Variants in SUGCT observed in about 807,000 individuals in gnomAD.
SUGCT encodes the protein succinyl-CoA:glutarate-CoA transferase.
SUGCT carries 41 observed loss-of-function variants against 55.0 expected under a neutral mutation model. The observed-to-expected ratio is 0.74, with a 90% confidence interval of 0.58 to 0.97. The LOEUF is 0.97. SUGCT is among the 50% of genes least tolerant of loss of function. SUGCT has a pLI of 0.00. For synonymous variants in SUGCT, 187 were observed against 200.4 expected (o/e 0.93, Z 0.56); for missense variants, 568 against 547.8 (o/e 1.04, Z -0.37).
intron 9 of SUGCT, among the ~76,000 whole-genome samples, chr7:40,336,231 A>G (rs1478478898): frequency 6.6e-6 from 1 of 152,148 alleles, no homozygotes; most frequent in Non-Finnish European, 1.5e-5. Context: ...TATCTCTGCC[A>G]GGCTTTGATA....
At chr7:40,924,265 C>CGTGTGTGTGTGTGTGTGTGTGT in the SUGCT span, among the ~76,000 whole-genome samples, 692 of 136,102 alleles carry the variant, frequency 5.1e-3, 5 homozygotes, top group Non-Finnish European at 8.6e-3. Flanking sequence ...CTTTCAATTA[C>CGTGTGTGTGTGTGTGTGTGTGT]GTGTGTGTGT....
chr7:40,606,360 A>G (rs1468757880), intron 12 of SUGCT, among the ~76,000 whole-genome samples: 25 of 152,178 alleles, frequency 1.6e-4, no homozygotes, highest in Non-Finnish European at 3.2e-4. Context: ...CTTTGGGCAT[A>G]TGGAAACTGA....
the SUGCT span, among the ~76,000 whole-genome samples, chr7:40,921,663 C>T: frequency 6.6e-6 from 1 of 152,188 alleles, no homozygotes; most frequent in African/African-American, 2.4e-5. Flanking sequence ...TCGGCTTTTC[C>T]CAGCTGTCAT....
At chr7:40,888,636 G>A in the SUGCT span, among the ~76,000 whole-genome samples, 1 of 152,180 alleles carries the variant, frequency 6.6e-6, no homozygotes, top group African/African-American at 2.4e-5. Flanking sequence ...AATAAGGCAA[G>A]GTGCACTTTG....
chr7:40,788,625 C>G (rs1012822959), intron 13 of SUGCT, among the ~76,000 whole-genome samples: 8 of 152,200 alleles, frequency 5.3e-5, no homozygotes, highest in African/African-American at 1.9e-4. Flanking sequence ...TCAGATGGAT[C>G]TCTGTGTGGG....
intron 13 of SUGCT, among the ~76,000 whole-genome samples, chr7:40,762,405 G>T (rs1157965475): frequency 1.3e-5 from 2 of 152,276 alleles, no homozygotes; most frequent in East Asian, 3.9e-4. Context: ...ACTAGTAGCG[G>T]TGACAGTGAG....
chr7:40,256,888 C>T (rs969340281), intron 7 of SUGCT, among the ~76,000 whole-genome samples: 1 of 151,794 alleles, frequency 6.6e-6, no homozygotes, highest in African/African-American at 2.4e-5. Flanking sequence ...GGACTACAGG[C>T]GCCCACTACC....
chr7:40,371,614 G>A lies in SUGCT; in HGVS notation c.816+54759G>A, dbSNP rs1784298823. The stretch of plus-strand genomic sequence containing the variant: ...GGAGCTTTCAAAAATATTATACATT[G>A]TTTAAAAATATTACAAAGAAATTTT... On this transcript the variant is annotated intron_variant, in intron 9 of 13. Coordinates refer to ENST00000335693, the MANE Select transcript of SUGCT (RefSeq NM_001193313.2). Among the ~76,000 whole-genome samples the A allele has an allele frequency of 2.0e-5, 3 of 152,154 alleles. 1 individual carries two copies. The highest frequency in any genetic ancestry group is 7.2e-5 in the African/African-American group (3 of 41,522).
intron 13 of SUGCT, chr7:40,785,103 A>C (rs753997327): frequency 6.6e-6 from 1 of 152,158 alleles, no homozygotes; most frequent in Non-Finnish European, 1.5e-5. Context: ...TATTTTTTAC[A>C]TAAATTTTAT....
At chr7:40,663,298 A>G (rs1801425002) in intron 12 of SUGCT, among the ~76,000 whole-genome samples, 1 of 110,386 alleles carries the variant, frequency 9.1e-6, no homozygotes, top group Non-Finnish European at 2.2e-5. Flanking sequence ...GTATATTTCA[A>G]AAAAAAAATC....
intron 12 of SUGCT, among the ~76,000 whole-genome samples, chr7:40,509,932 T>G (rs895824223): frequency 4.6e-5 from 7 of 152,198 alleles, no homozygotes; most frequent in South Asian, 2.1e-4. Flanking sequence ...TGTTCCAACT[T>G]TAAAGCAACA....
rs549709367 is a variant in SUGCT, at chr7:40,763,364, G to T, written c.1153+13867G>T. Among the ~76,000 whole-genome samples the T allele has an allele frequency of 2.4e-4, 37 of 152,222 alleles. 1 individual carries two copies. The South Asian group carries it at 3.1e-3, about 13-fold the overall frequency. On this transcript the variant is annotated intron_variant, in intron 13 of 13. Coordinates refer to ENST00000335693, the MANE Select transcript of SUGCT (RefSeq NM_001193313.2). ...AGATAAATTAAATAGCCCGAGGAAG[G>T]TCACATAACTAGAAAGTCACAGAGT...
At chr7:40,947,144 T>C in the SUGCT span, among the ~76,000 whole-genome samples, 1 of 152,180 alleles carries the variant, frequency 6.6e-6, no homozygotes. Context: ...CTATTTTTCT[T>C]TCTGTTTTTC....
At chr7:40,810,773 C>T (rs1264714312) in intron 13 of SUGCT, among the ~76,000 whole-genome samples, 1 of 151,972 alleles carries the variant, frequency 6.6e-6, no homozygotes, top group African/African-American at 2.4e-5. Context: ...TTAATTAGGT[C>T]CCACTTTTCA....
At chr7:40,153,104 G>A (rs55731554) in intron 1 of SUGCT, 10,012 of 201,350 alleles carry the variant, frequency 0.05, 989 homozygotes, top group African/African-American at 0.22. Context: ...TGGACAAGAA[G>A]TCCAAACAGA....
intron 1 of SUGCT, among the ~76,000 whole-genome samples, chr7:40,178,175 G>T (rs1785017958): frequency 6.6e-6 from 1 of 152,036 alleles, no homozygotes; most frequent in Admixed American, 6.6e-5. Flanking sequence ...CATTTTCCTT[G>T]CCTTTTTATT....
chr7:40,914,667 T>C, the SUGCT span, among the ~76,000 whole-genome samples: 2 of 152,218 alleles, frequency 1.3e-5, no homozygotes, highest in African/African-American at 4.8e-5. Flanking sequence ...GCTTAGAAGT[T>C]GGCGTTTTAT....
Position 40,835,144 on chromosome 7 carries a change from T to A in SUGCT, c.1154-25172T>A, listed in dbSNP as rs1005953425. Among the ~76,000 whole-genome samples, 11 of 152,224 alleles carry A rather than the reference T, an allele frequency of 7.2e-5. No homozygotes were observed. In the South Asian group the frequency reaches 2.1e-3, roughly 29 times the overall value. On this transcript the variant is annotated intron_variant, in intron 13 of 13. Coordinates refer to ENST00000335693, the MANE Select transcript of SUGCT (RefSeq NM_001193313.2). ...CCAACTGAGGAACTGAATTTTAGTT[T>A]TATTTAAGTTTAATTCAAACACCCA...
At chr7:40,244,317 G>T (rs1789669944) in intron 7 of SUGCT, among the ~76,000 whole-genome samples, 1 of 152,216 alleles carries the variant, frequency 6.6e-6, no homozygotes, top group Non-Finnish European at 1.5e-5. Context: ...GACATTCCCA[G>T]GGGAGATCAC....
Sources: gnomAD v4.1 joint callset for allele counts (sites outside exome capture counted in the v4.1 genomes callset) on GRCh38, gnomAD v4.1.1 for gene constraint, MANE v1.5 for transcripts, NCBI Gene and HGNC (gene_info 2026-07-23, HGNC 2026-07-21) for gene names.